CYFIP1: variants seen among roughly 807,000 people sequenced by gnomAD.
CYFIP1 encodes the protein cytoplasmic FMR1 interacting protein 1, also known as cytoplasmic FMR1-interacting protein 1.
CYFIP1 carries 58 observed loss-of-function variants against 163.5 expected under a neutral mutation model. The observed-to-expected ratio is 0.35, with a 90% CI of 0.29 to 0.44. CYFIP1 has a LOEUF of 0.44. Among genes scored for constraint, CYFIP1 ranks in the 20% least tolerant of loss-of-function variants. The pLI, the probability that CYFIP1 is intolerant of heterozygous loss-of-function variation, is 1.00. For synonymous variants in CYFIP1, 663 were observed against 660.7 expected, an observed-to-expected ratio of 1.00 and a Z score of -0.05; for missense variants, 1,338 against 1,653.8, an observed-to-expected ratio of 0.81 and a Z score of 3.31.
At chr15:22,911,867 A>G (rs950947712) in intron 18 of CYFIP1, among the ~76,000 whole-genome samples, 5 of 152,322 alleles carry the variant, frequency 3.3e-5, no homozygotes, top group Non-Finnish European at 7.4e-5. Context: ...GCAGAGTGCT[A>G]TTTATAAAAT....
chr15:22,900,056 C>G (rs1158271063), intron 22 of CYFIP1, among the ~76,000 whole-genome samples: 8 of 152,108 alleles, frequency 5.3e-5, no homozygotes, highest in Non-Finnish European at 1.2e-4. Flanking sequence ...AAGATATGTT[C>G]AATCCTCACT....
Position 22,917,474 on chromosome 15 carries a change from A to T in CYFIP1, c.1674+314T>A. 1 of 525,488 alleles carries T rather than the reference A, an allele frequency of 1.9e-6. No homozygotes were observed. The highest frequency in any genetic ancestry group is 3.1e-5 in the South Asian group (1 of 32,580). 32.6% of individuals were successfully genotyped at this position (525,488 alleles called of 1,614,324 possible). A position where few individuals can be genotyped will look rare whatever the true frequency, so the allele number is the denominator to read the frequency against. On this transcript the variant is annotated intron_variant, in intron 15 of 30. Coordinates refer to ENST00000617928, the MANE Select transcript of CYFIP1 (RefSeq NM_014608.6). This position sits in a 1 kb window ranked among gnomAD's most constrained non-coding sequence, Gnocchi z 4.2. ...CAACGTAAAAATTATACAGACATTCAAACACCCATCAAGAAACACAGAATG... is the reference window on the plus strand; with the variant it reads ...CAACGTAAAAATTATACAGACATTCTAACACCCATCAAGAAACACAGAATG...
chr15:22,914,219 G>A lies in CYFIP1; in HGVS notation c.1985+507C>T, dbSNP rs74003071. 2.5e-3 allele frequency among the ~76,000 whole-genome samples: 379 copies of A among 152,188 alleles called. 2 individuals carry two copies. Among genetic ancestry groups the A allele is most frequent in the African/African-American group, 8.9e-3 (369 of 41,502 alleles). On this transcript the variant is annotated intron_variant, in intron 17 of 30. Coordinates refer to ENST00000617928, the MANE Select transcript of CYFIP1 (RefSeq NM_014608.6). Reference sequence around the variant, plus strand: ...AGCTCACGGGCATGGCCACCTCACAGGGCCTGCACTACGAAGGCCTGGGGA... The same window carrying A: ...AGCTCACGGGCATGGCCACCTCACAAGGCCTGCACTACGAAGGCCTGGGGA...
intron 1 of CYFIP1, among the ~76,000 whole-genome samples, chr15:22,963,668 G>A (rs919509883): frequency 2.0e-5 from 3 of 152,102 alleles, no homozygotes; most frequent in Non-Finnish European, 4.4e-5. Context: ...TGTTTTGGTC[G>A]CCCCTCACTC....
In CYFIP1 at chr15:22,927,996, C is replaced by T; in HGVS notation, c.1143G>A (p.Gln381=). The T allele has an allele frequency of 5.0e-6, 8 of 1,586,586 alleles. No homozygotes were observed. Among genetic ancestry groups the T allele is most frequent in the Non-Finnish European group, 6.0e-6 (7 of 1,169,666 alleles). Residue 381 remains glutamine, a synonymous_variant, in exon 12 of 31, where the codon CAG becomes CAA. Coordinates refer to ENST00000617928, the MANE Select transcript of CYFIP1 (RefSeq NM_014608.6). Reference sequence around the variant, plus strand: ...GCTTGCGGTACTCCGCGTCCGTCTTCTGGGCCTCCTGGCGGCCCGAGCCCG... The same window carrying T: ...GCTTGCGGTACTCCGCGTCCGTCTTTTGGGCCTCCTGGCGGCCCGAGCCCG... ...VVTGSGRQEA[Q]KTDAEYRKLF...
chr15:22,938,389 G>C (rs2061783920), intron 8 of CYFIP1, among the ~76,000 whole-genome samples: 2 of 152,000 alleles, frequency 1.3e-5, no homozygotes, highest in African/African-American at 4.8e-5. Flanking sequence ...AAGATTGCTT[G>C]AGCCCAGGAG....
intron 1 of CYFIP1, among the ~76,000 whole-genome samples, chr15:22,975,913 TG>T (rs1416117173): frequency 6.6e-6 from 1 of 152,162 alleles, no homozygotes; most frequent in Non-Finnish European, 1.5e-5. Flanking sequence ...TTAAAATTTT[TG>T]TTTTTAAAGC....
chr15:22,928,125 G>A (rs954249277), intron 11 of CYFIP1, 97 bp from the exon 12 acceptor site: 6 of 1,354,462 alleles, frequency 4.4e-6, no homozygotes, highest in East Asian at 2.9e-5. Flanking sequence ...AAAGTCACAC[G>A]TGTGAAAATA....
chr15:22,964,172 T>TC (rs201580320), intron 1 of CYFIP1, among the ~76,000 whole-genome samples: 2 of 150,096 alleles, frequency 1.3e-5, no homozygotes, highest in African/African-American at 4.9e-5. Flanking sequence ...TTTTTTTTTT[T>TC]CCCTTTCTGG....
intron 1 of CYFIP1, among the ~76,000 whole-genome samples, chr15:22,962,187 T>TG (rs1464610500): frequency 6.6e-6 from 1 of 152,176 alleles, no homozygotes; most frequent in Non-Finnish European, 1.5e-5. Flanking sequence ...TTTTTAAAAC[T>TG]GGGACTCAGA....
intron 9 of CYFIP1, among the ~76,000 whole-genome samples, chr15:22,934,175 TTC>T (rs1309639095): frequency 7.5e-6 from 1 of 132,768 alleles, no homozygotes; most frequent in Non-Finnish European, 1.6e-5. Context: ...CTGCATTTCT[TTC>T]TTTTTTTTTT....
At chr15:22,936,411 CGAAACACTAGCCAATACAAT>C (rs920329206) in intron 9 of CYFIP1, among the ~76,000 whole-genome samples, 5 of 152,144 alleles carry the variant, frequency 3.3e-5, no homozygotes, top group Admixed American at 1.3e-4. Flanking sequence ...GAAACATGAA[CGAAACACTAGCCAATACAAT>C]GAAACACTAG....
At chr15:22,878,387 G>A (rs1276269751) in intron 26 of CYFIP1, among the ~76,000 whole-genome samples, 1 of 152,160 alleles carries the variant, frequency 6.6e-6, no homozygotes, top group Non-Finnish European at 1.5e-5. Context: ...ACAGGCCGGT[G>A]TGCCCATGAA....
At chr15:22,878,798 T>A (rs1235215031) in intron 26 of CYFIP1, among the ~76,000 whole-genome samples, 6 of 151,158 alleles carry the variant, frequency 4.0e-5, no homozygotes, top group Non-Finnish European at 7.4e-5. Context: ...GAATTTACGA[T>A]ATGTGCAGCA....
At chr15:22,922,219 C>A (rs768791640) in intron 13 of CYFIP1, among the ~76,000 whole-genome samples, 4 of 152,264 alleles carry the variant, frequency 2.6e-5, no homozygotes, top group South Asian at 2.1e-4. Flanking sequence ...CCAGTCTGAT[C>A]AGTCTCTGCT....
At chr15:22,914,260 C>G (rs563188992) in intron 17 of CYFIP1, among the ~76,000 whole-genome samples, 2 of 152,264 alleles carry the variant, frequency 1.3e-5, no homozygotes, top group African/African-American at 4.8e-5. Flanking sequence ...CAGGTTCATC[C>G]ATCTCCCTGG....
intron 12 of CYFIP1, among the ~76,000 whole-genome samples, chr15:22,927,061 G>C (rs1204168213): frequency 1.3e-5 from 2 of 152,264 alleles, no homozygotes; most frequent in East Asian, 3.9e-4. Flanking sequence ...ACTTGGCCAG[G>C]TACAGTGGCT....
intron 1 of CYFIP1, among the ~76,000 whole-genome samples, chr15:22,964,444 G>A (rs2062833185): frequency 6.6e-6 from 1 of 150,610 alleles, no homozygotes; most frequent in Non-Finnish European, 1.5e-5. Context: ...CAGCCTGGAA[G>A]GCAGGAAGCA....
chr15:22,879,838 A>G lies in CYFIP1; in HGVS notation c.3042+75T>C. On this transcript the variant is annotated intron_variant, in intron 26 of 30. Coordinates refer to ENST00000617928, the MANE Select transcript of CYFIP1 (RefSeq NM_014608.6). ...ACCCCCACTAAAGAACCCGCCAAAG[A>G]AAGCCCTCCCCTGGCCGGTGGGGTG... 3 of 1,178,898 alleles carry G rather than the reference A, an allele frequency of 2.5e-6. No individual in the cohort carries two copies. The Admixed American group carries it at 6.8e-5, about 27-fold the overall frequency. 73.0% of individuals were successfully genotyped at this position (1,178,898 alleles called of 1,614,324 possible).
Sources: gnomAD v4.1 joint callset for allele counts (sites outside exome capture counted in the v4.1 genomes callset) on GRCh38, gnomAD v4.1.1 for gene constraint, Gnocchi (gnomAD v3.1) non-coding constraint, MANE v1.5 for transcripts, NCBI Gene and HGNC (gene_info 2026-07-23, HGNC 2026-07-21) for gene names.